The following ULK2 variants were observed in gnomAD, a reference collection of about 807,000 sequenced individuals.
The protein encoded by ULK2 is serine/threonine-protein kinase ULK2.
Under a neutral mutation model 127.5 loss-of-function variants are expected in ULK2, and 76 were observed. The observed-to-expected ratio is 0.60, with a 90% CI of 0.50 to 0.72. The LOEUF is 0.72. Among genes scored for constraint, ULK2 ranks in the 30% least tolerant of loss-of-function variants. The probability of loss-of-function intolerance (pLI) is 0.00; values close to 1 mark genes in which losing one functional copy is unlikely to be tolerated. For missense variants in ULK2, 1,144 were observed against 1,295.9 expected, an observed-to-expected ratio of 0.88 and a Z score of 1.80; for synonymous variants, 452 against 461.9, an observed-to-expected ratio of 0.98 and a Z score of 0.28.
chr17:19,786,084 G>A lies in ULK2; in HGVS notation c.2104C>T (p.Pro702Ser), dbSNP rs1425195336. 7.7e-6 allele frequency: 12 copies of A among 1,559,182 alleles called. No homozygotes were observed. The highest frequency in any genetic ancestry group is 1.0e-5 in the Non-Finnish European group (12 of 1,160,960). ...LNTERPMDIA[P>S]AGACGGVLAP... ...AGAACACCACCACAGGCTCCTGCCG[G>A]AGCTACAACAAAAAGTTTATAGAAG... is the stretch of plus-strand genomic sequence containing the variant. Residue 702 changes from proline (P) to serine (S), a missense_variant and splice_region_variant, in exon 21 of 27, where the codon CCG becomes TCG. Pro to Ser is a moderately conservative substitution (Grantham distance 74). Around this residue, in one of 2 missense-constraint regions of ULK2, gnomAD observed 913 missense variants for 970.5 expected, o/e 0.94. Coordinates refer to ENST00000395544, the MANE Select transcript of ULK2 (RefSeq NM_014683.4).
In ULK2 at chr17:19,835,486, G is replaced by A. The variant is rs369956908; in HGVS notation, c.787+3015C>T. On this transcript the variant is annotated intron_variant, in intron 10 of 26. Transcript: ENST00000395544. ...AATCCCAGCACTTTGGGAGGCCGAG[G>A]TGGGCGGATCACGAGGTCAGGAGAT... Among the ~76,000 whole-genome samples the A allele has an allele frequency of 3.4e-4, 52 of 151,218 alleles. No homozygotes were observed. In the East Asian group the frequency reaches 9.7e-3, roughly 28 times the overall value.
chr17:19,793,553 T>C (rs560738831), intron 20 of ULK2, among the ~76,000 whole-genome samples: 5 of 152,142 alleles, frequency 3.3e-5, no homozygotes, highest in Non-Finnish European at 7.4e-5. Context: ...CTTTTAAAAT[T>C]AGAATTATAA....
intron 10 of ULK2, among the ~76,000 whole-genome samples, chr17:19,835,913 G>A (rs546685313): frequency 3.9e-5 from 6 of 152,030 alleles, no homozygotes; most frequent in Admixed American, 3.9e-4. Context: ...CTTGAAGCCA[G>A]GAATTCGAGA....
intron 3 of ULK2, among the ~76,000 whole-genome samples, chr17:19,858,569 A>T (rs2042179222): frequency 6.6e-6 from 1 of 152,188 alleles, no homozygotes; most frequent in Admixed American, 6.6e-5. Flanking sequence ...CCAGTAAGAA[A>T]AATGAACACA....
chr17:19,819,681 G>A (rs540880845), intron 12 of ULK2, among the ~76,000 whole-genome samples: 2 of 152,230 alleles, frequency 1.3e-5, no homozygotes, highest in East Asian at 3.9e-4. Flanking sequence ...TGCTCCCCAA[G>A]TTCCCTCAGA....
intron 23 of ULK2, among the ~76,000 whole-genome samples, chr17:19,781,600 G>C (rs2086921375): frequency 6.6e-6 from 1 of 152,098 alleles, no homozygotes; most frequent in Non-Finnish European, 1.5e-5. Context: ...ACAAGGCATA[G>C]TTAAAGATGT....
intron 25 of ULK2, among the ~76,000 whole-genome samples, chr17:19,779,391 G>A (rs2086870953): frequency 6.6e-6 from 1 of 152,016 alleles, no homozygotes; most frequent in South Asian, 2.1e-4. Flanking sequence ...AATTAGCTGG[G>A]TGTGGTGGCA....
rs1258958094 is a variant in ULK2, at chr17:19,775,559, T to C, written c.*790A>G. On this transcript the variant is annotated 3_prime_UTR_variant, in exon 27 of 27. Transcript: ENST00000395544. The stretch of plus-strand genomic sequence containing the variant: ...ACATTACTGAGAAAATCTGTAGGTG[T>C]AGATAAAGAAGTAAAAAAAAAAAAT... 3.1e-5 allele frequency: 3 copies of C among 98,278 alleles called. No individual in the cohort carries two copies. The highest frequency in any genetic ancestry group is 1.3e-4 in the African/African-American group (3 of 23,420). The allele number at this position is 98,278 out of a possible 1,614,324, so 6.1% of individuals were successfully genotyped here.
intron 12 of ULK2, 74 bp from the exon 13 acceptor site, chr17:19,816,994 ATT>A: frequency 3.2e-5 from 39 of 1,222,770 alleles, no homozygotes; most frequent in South Asian, 1.1e-4. Flanking sequence ...AGACTAAGGA[ATT>A]TTTTTTTTTC....
rs1449919331 is a variant in ULK2 at position 19,775,157 on chromosome 17, AC to A, written c.*1191del. 6.6e-6 allele frequency: 1 copy of A among 152,668 alleles called. No homozygotes were observed. The highest frequency in any genetic ancestry group is 2.4e-5 in the African/African-American group (1 of 41,466). The allele number at this position is 152,668 out of a possible 1,614,324, so 9.5% of individuals were successfully genotyped here. On this transcript the variant is annotated 3_prime_UTR_variant, in exon 27 of 27. Coordinates refer to ENST00000395544, the MANE Select transcript of ULK2 (RefSeq NM_014683.4). ...GTATTCAAGCAGGTAAGTAAAAGAAACCAAGTAATACACAACGTAGGAACCA... is the reference window on the plus strand; with the variant it reads ...GTATTCAAGCAGGTAAGTAAAAGAAACAAGTAATACACAACGTAGGAACCA...
Position 19,780,519 on chromosome 17 carries a change from TG to T in ULK2, c.2868del (p.Asn957ThrfsTer3). 6.2e-7 allele frequency: 1 copy of T among 1,613,820 alleles called. No individual in the cohort carries two copies. Among genetic ancestry groups the T allele is most frequent in the Non-Finnish European group, 8.5e-7 (1 of 1,179,900 alleles). On this transcript the variant is annotated frameshift_variant, in exon 25 of 27. Coordinates refer to ENST00000395544, the MANE Select transcript of ULK2 (RefSeq NM_014683.4). LOFTEE classifies it high-confidence loss of function. ...ATGAGTTTCTCTGCAGTCACACTGT[TG>T]ATTTCATCAATAAACCTCTGTTTGT... ...FSDKQRFIDEINSVTAEKLIY... is the reference protein window; with the variant it reads ...FSDKQRFIDEXNSVTAEKLIY...
At chr17:19,815,586 T>C (rs2040969270) in intron 13 of ULK2, among the ~76,000 whole-genome samples, 2 of 152,244 alleles carry the variant, frequency 1.3e-5, no homozygotes, top group Admixed American at 1.3e-4. Context: ...CAGCAACTTA[T>C]GGCATTATAT....
chr17:19,783,000 T>C (rs1254397272), intron 22 of ULK2, among the ~76,000 whole-genome samples: 1 of 152,224 alleles, frequency 6.6e-6, no homozygotes, highest in Non-Finnish European at 1.5e-5. Context: ...TTTTTAGTTA[T>C]AAATGCATTC....
At chr17:19,851,208 T>A (rs985937167) in intron 3 of ULK2, among the ~76,000 whole-genome samples, 3 of 144,006 alleles carry the variant, frequency 2.1e-5, no homozygotes, top group African/African-American at 5.2e-5. Context: ...GCACCTGTAA[T>A]CCCAGCTACT....
Position 19,814,650 on chromosome 17 carries a change from G to A in ULK2, c.1096+2099C>T, listed in dbSNP as rs183012125. The stretch of plus-strand genomic sequence containing the variant: ...TGGTCTTGAACTTGGGGGTTCATGC[G>A]ATCCTCCCACTTCAGCCCCCAGAGA... On this transcript the variant is annotated intron_variant, in intron 13 of 26. Transcript: ENST00000395544. Among the ~76,000 whole-genome samples the A allele has an allele frequency of 3.5e-3, 535 of 151,528 alleles. 2 individuals carry two copies. Among genetic ancestry groups the A allele is most frequent in the African/African-American group, 0.012 (510 of 41,264 alleles).
intron 8 of ULK2, among the ~76,000 whole-genome samples, chr17:19,842,488 C>T (rs947110382): frequency 1.3e-5 from 2 of 152,034 alleles, no homozygotes; most frequent in Non-Finnish European, 2.9e-5. Context: ...TGAGCCACCA[C>T]GCCTGGCCAT....
chr17:19,839,934 T>C (rs917330855), intron 9 of ULK2, among the ~76,000 whole-genome samples: 3 of 150,704 alleles, frequency 2.0e-5, no homozygotes, highest in Non-Finnish European at 1.5e-5. Context: ...CCTAACAAAA[T>C]GCACACATAC....
At chr17:19,828,614 C>T (rs1410755074) in intron 10 of ULK2, among the ~76,000 whole-genome samples, 1 of 152,016 alleles carries the variant, frequency 6.6e-6, no homozygotes, top group Non-Finnish European at 1.5e-5. Flanking sequence ...GGAATCAAAA[C>T]ACATTACTAT....
chr17:19,845,458 CAAG>C (rs1451283380), intron 6 of ULK2, 81 bp from the exon 7 acceptor site: 4 of 1,063,682 alleles, frequency 3.8e-6, no homozygotes, highest in Non-Finnish European at 5.8e-6. Context: ...CTTCGAGACA[CAAG>C]AAGGCACAAA....
Sources: gnomAD v4.1 joint callset for allele counts (sites outside exome capture counted in the v4.1 genomes callset) on GRCh38, gnomAD v4.1.1 for gene constraint, gnomAD v4.1.1 regional missense constraint, MANE v1.5 for transcripts, NCBI Gene and HGNC (gene_info 2026-07-23, HGNC 2026-07-21) for gene names.